The following NAV2 variants were observed in gnomAD, a reference collection of about 807,000 sequenced individuals.
NAV2 encodes neuron navigator 2, also known as helicase, APC down-regulated 1.
In NAV2, 54 loss-of-function variants were observed where a neutral mutation model predicts 223.2. That is an observed-to-expected ratio of 0.24 (90% CI 0.19 to 0.30). The LOEUF (loss-of-function observed/expected upper bound fraction) is 0.30, where lower values mean the gene tolerates loss of function less well. Ranked by LOEUF, NAV2 falls within the 10% of genes least tolerant of loss-of-function variation. The probability of loss-of-function intolerance (pLI) is 1.00; values close to 1 mark genes in which losing one functional copy is unlikely to be tolerated. For missense variants in NAV2, 2,806 were observed against 3,147.5 expected, an observed-to-expected ratio of 0.89 and a Z score of 2.60; for synonymous variants, 1,279 against 1,239.3, an observed-to-expected ratio of 1.03 and a Z score of -0.67.
chr11:19,529,478 C>T (rs1223706994), intron 1 of NAV2, among the ~76,000 whole-genome samples: 1 of 152,316 alleles, frequency 6.6e-6, no homozygotes. Flanking sequence ...TCAGTTGAGA[C>T]CCGCCCCACC....
At position 20,054,194 on chromosome 11, in the gene NAV2, C is replaced by T. The variant is rs1411051173; in HGVS notation, c.4596C>T (p.Ser1532=). ...CCAATTCCCCCTTTTCCTCTGGCTC[C>T]AGCGTGACTTCTCCCTCCGGAACAA... ...TAANSPFSSG[S]SVTSPSGTRF... Residue 1532 remains serine (S), a synonymous_variant, in exon 18 of 38, where the codon TCC becomes TCT. Coordinates refer to ENST00000349880, the MANE Select transcript of NAV2 (RefSeq NM_145117.5). The T allele has an allele frequency of 6.2e-7, 1 of 1,613,104 alleles. No individual in the cohort carries two copies. Among genetic ancestry groups the T allele is most frequent in the Non-Finnish European group, 8.5e-7 (1 of 1,179,832 alleles).
At chr11:19,779,457 A>T (rs1184226677) in intron 1 of NAV2, among the ~76,000 whole-genome samples, 1 of 152,212 alleles carries the variant, frequency 6.6e-6, no homozygotes, top group Admixed American at 6.5e-5. Context: ...CATTTTGTTC[A>T]TTCACTTATT....
At chr11:19,491,661 A>C (rs1023933421) in intron 1 of NAV2, among the ~76,000 whole-genome samples, 1 of 152,240 alleles carries the variant, frequency 6.6e-6, no homozygotes, top group African/African-American at 2.4e-5. Context: ...CCATATCAGC[A>C]ATAAGGCTGT....
chr11:19,830,114 A>T (rs1329801948), intron 1 of NAV2, among the ~76,000 whole-genome samples: 1 of 152,144 alleles, frequency 6.6e-6, no homozygotes, highest in Non-Finnish European at 1.5e-5. Flanking sequence ...AATCCCAGCT[A>T]CTTGGGAGGC....
chr11:19,897,638 G>A (rs944521976), intron 6 of NAV2, among the ~76,000 whole-genome samples: 13 of 151,972 alleles, frequency 8.6e-5, no homozygotes, highest in African/African-American at 2.9e-4. Context: ...TCCATAAGGT[G>A]GTGACCAAGT....
rs1210535292 is a variant in NAV2, at chr11:20,114,742, G to A, written c.7111G>A (p.Glu2371Lys). 2 of 1,613,966 alleles carry A rather than the reference G, an allele frequency of 1.2e-6. No homozygotes were observed. Among genetic ancestry groups the A allele is most frequent in the Admixed American group, 1.7e-5 (1 of 59,994 alleles). The change falls in exon 37 of 38, where the codon GAG (glutamate) becomes AAG (lysine). Residue 2371 changes from glutamate to lysine, a missense_variant. Coordinates refer to ENST00000349880, the MANE Select transcript of NAV2 (RefSeq NM_145117.5). Reference sequence around the variant, plus strand: ...CTTCGACGGCTACTCCATGCCTCGGGAGGGATCGACAAGCAAGCAGATGCC... The same window carrying A: ...CTTCGACGGCTACTCCATGCCTCGGAAGGGATCGACAAGCAAGCAGATGCC... Reference protein sequence around the residue: ...VGFDGYSMPREGSTSKQMPPS... With the variant: ...VGFDGYSMPRKGSTSKQMPPS...
In NAV2 at chr11:19,393,577, GAAAC is replaced by G. The variant is rs554393422; in HGVS notation, c.75+42559_75+42562del. Among the ~76,000 whole-genome samples the G allele has an allele frequency of 6.0e-4, 91 of 152,292 alleles. 1 individual carries two copies. The Middle Eastern group carries it at 0.01, about 17-fold the overall frequency. On this transcript the variant is annotated intron_variant, in intron 1 of 37. Transcript: ENST00000360655. ...GTGACAATAAAATATATAGTTTTTG[GAAAC>G]AAACAAACCTTGACAAAATGTGTTT...
At chr11:19,517,990 A>G (rs143142027) in intron 1 of NAV2, among the ~76,000 whole-genome samples, 51 of 152,376 alleles carry the variant, frequency 3.3e-4, no homozygotes, top group African/African-American at 1.2e-3. Flanking sequence ...AAAATACAAG[A>G]GGGCATAGCT....
At chr11:19,409,413 T>A (rs1349046430) in intron 1 of NAV2, among the ~76,000 whole-genome samples, 1 of 152,192 alleles carries the variant, frequency 6.6e-6, no homozygotes, top group East Asian at 1.9e-4. Flanking sequence ...CTCTAAGCAC[T>A]CAGCCTTGCT....
intron 10 of NAV2, among the ~76,000 whole-genome samples, chr11:19,968,986 C>T (rs1457816136): frequency 6.6e-6 from 1 of 152,156 alleles, no homozygotes; most frequent in African/African-American, 2.4e-5. Flanking sequence ...TTCTGAGTGT[C>T]TCATGCCCAG....
chr11:19,525,347 G>A (rs2043810018), intron 1 of NAV2, among the ~76,000 whole-genome samples: 1 of 152,198 alleles, frequency 6.6e-6, no homozygotes, highest in African/African-American at 2.4e-5. Context: ...TTTGCTGTGT[G>A]CCAATCCCAA....
At chr11:19,860,903 C>T (rs1222875496) in intron 3 of NAV2, among the ~76,000 whole-genome samples, 11 of 152,090 alleles carry the variant, frequency 7.2e-5, no homozygotes, top group African/African-American at 2.4e-4. Context: ...TGGCGGCGCG[C>T]GCCTGCAATC....
chr11:19,801,983 G>A (rs567770423), intron 1 of NAV2, among the ~76,000 whole-genome samples: 4 of 152,244 alleles, frequency 2.6e-5, no homozygotes, highest in East Asian at 1.9e-4. Flanking sequence ...ACCCTTGTCC[G>A]GAGGAGAATA....
intron 10 of NAV2, among the ~76,000 whole-genome samples, chr11:19,954,290 T>C (rs1031037394): frequency 6.6e-6 from 1 of 152,212 alleles, no homozygotes; most frequent in African/African-American, 2.4e-5. Flanking sequence ...AGTGGCTTTT[T>C]AGGGGCTGCT....
chr11:19,414,552 C>T (rs979638423), intron 1 of NAV2, among the ~76,000 whole-genome samples: 1 of 152,150 alleles, frequency 6.6e-6, no homozygotes, highest in African/African-American at 2.4e-5. Context: ...AGAAAATTAA[C>T]AAGGATATGC....
intron 26 of NAV2, among the ~76,000 whole-genome samples, chr11:20,087,129 C>G (rs2153674939): frequency 6.6e-6 from 1 of 152,250 alleles, no homozygotes; most frequent in Non-Finnish European, 1.5e-5. Flanking sequence ...GGGAGGAAAC[C>G]TGGGAGCAGA....
the NAV2 span, among the ~76,000 whole-genome samples, chr11:19,345,613 C>A: frequency 2.0e-5 from 3 of 152,218 alleles, no homozygotes; most frequent in Non-Finnish European, 4.4e-5. This position sits in a 1 kb window ranked among gnomAD's most constrained non-coding sequence, Gnocchi z 5.2. Context: ...GCCACCCGTG[C>A]GCGATGACGG....
chr11:19,684,242 C>A (rs2048956749), intron 1 of NAV2, among the ~76,000 whole-genome samples: 1 of 152,188 alleles, frequency 6.6e-6, no homozygotes. Flanking sequence ...CCTTTTCATG[C>A]CAACTGTTAT....
intron 1 of NAV2, among the ~76,000 whole-genome samples, chr11:19,497,910 A>G (rs1241523377): frequency 1.3e-5 from 2 of 152,184 alleles, no homozygotes; most frequent in African/African-American, 4.8e-5. Context: ...AGAAGGGGCT[A>G]ATGCTTATTA....
Sources: allele counts gnomAD v4.1 joint callset (sites outside exome capture counted in the v4.1 genomes callset), GRCh38; gene constraint gnomAD v4.1.1; non-coding constraint Gnocchi (gnomAD v3.1); transcripts MANE v1.5; gene names NCBI Gene and HGNC (gene_info 2026-07-23, HGNC 2026-07-21).